The following DPP6 variants were observed in gnomAD, a reference collection of about 807,000 sequenced individuals.
DPP6 encodes the protein dipeptidyl peptidase like 6.
Under a neutral mutation model 122.6 loss-of-function variants are expected in DPP6, and 69 were observed. The ratio of observed to expected loss-of-function variants is 0.56; its 90% CI spans 0.46 to 0.69. DPP6 has a LOEUF of 0.69. DPP6 is among the 30% of genes least tolerant of loss of function. The probability of loss-of-function intolerance (pLI) is 0.00; values close to 1 mark genes in which losing one functional copy is unlikely to be tolerated. For synonymous variants in DPP6, 418 were observed against 433.1 expected (o/e 0.97, Z 0.43); for missense variants, 928 against 1,116.9 (o/e 0.83, Z 2.41).
intron 1 of DPP6, among the ~76,000 whole-genome samples, chr7:153,951,271 G>A (rs551178179): frequency 6.6e-6 from 1 of 152,306 alleles, no homozygotes; most frequent in African/African-American, 2.4e-5. Context: ...TCGCCAACAC[G>A]CACAGTTGCT....
intron 1 of DPP6, among the ~76,000 whole-genome samples, chr7:154,243,440 C>T (rs1418305898): frequency 4.6e-5 from 7 of 152,062 alleles, no homozygotes; most frequent in Non-Finnish European, 5.9e-5. Flanking sequence ...GAAATTATAA[C>T]TGTAAAAAAT....
chr7:154,848,077 G>T (rs1802084585), intron 16 of DPP6, among the ~76,000 whole-genome samples: 1 of 152,206 alleles, frequency 6.6e-6, no homozygotes, highest in African/African-American at 2.4e-5. Flanking sequence ...CTGTTGCTGG[G>T]CAGGTAGGCT....
chr7:154,228,948 C>G (rs1021488541), intron 1 of DPP6, among the ~76,000 whole-genome samples: 2 of 152,132 alleles, frequency 1.3e-5, no homozygotes, highest in African/African-American at 4.8e-5. Flanking sequence ...GGAGCCAAAT[C>G]AGTATGGTAA....
chr7:153,865,159 A>C, the DPP6 span, among the ~76,000 whole-genome samples: 1 of 152,214 alleles, frequency 6.6e-6, no homozygotes. Context: ...CTATTATATT[A>C]TATATACAGG....
intron 1 of DPP6, among the ~76,000 whole-genome samples, chr7:154,314,349 C>A (rs1245992816): frequency 6.6e-6 from 1 of 152,210 alleles, no homozygotes; most frequent in Non-Finnish European, 1.5e-5. Flanking sequence ...GTGCTGACAT[C>A]CCAATGCTAC....
intron 1 of DPP6, among the ~76,000 whole-genome samples, chr7:154,314,271 A>G (rs1278961784): frequency 6.6e-6 from 1 of 152,192 alleles, no homozygotes; most frequent in East Asian, 1.9e-4. Context: ...AAAAAACAAA[A>G]TATAGAAACA....
At chr7:154,688,235 T>C (rs1839740263) in intron 7 of DPP6, among the ~76,000 whole-genome samples, 1 of 152,168 alleles carries the variant, frequency 6.6e-6, no homozygotes. Context: ...TATTGGGAGA[T>C]TAGTGTGAAC....
chr7:154,553,902 CAAA>C (rs56020996), intron 4 of DPP6, among the ~76,000 whole-genome samples: 24,484 of 102,872 alleles, frequency 0.24, 2,571 homozygotes, highest in Non-Finnish European at 0.32. Flanking sequence ...AGCCTAATGC[CAAA>C]AAAAAAAAAA....
At chr7:154,262,699 A>G (rs1012884781) in intron 1 of DPP6, among the ~76,000 whole-genome samples, 2 of 151,632 alleles carry the variant, frequency 1.3e-5, no homozygotes, top group African/African-American at 4.8e-5. Flanking sequence ...TTAAGCTTAC[A>G]TAAGAGACCC....
intron 3 of DPP6, among the ~76,000 whole-genome samples, chr7:154,490,170 A>G (rs1824150794): frequency 6.6e-6 from 1 of 152,248 alleles, no homozygotes; most frequent in Non-Finnish European, 1.5e-5. Context: ...TTCTGAAAAC[A>G]TGCCCAAAGT....
intron 1 of DPP6, among the ~76,000 whole-genome samples, chr7:153,997,277 T>C (rs1034592583): frequency 6.6e-6 from 1 of 152,154 alleles, no homozygotes; most frequent in South Asian, 2.1e-4. Flanking sequence ...GGCTTTGGGA[T>C]TGAGCTTCCT....
upstream of DPP6, among the ~76,000 whole-genome samples, chr7:154,050,041 G>A (rs1191581764): frequency 5.9e-5 from 9 of 152,210 alleles, no homozygotes; most frequent in East Asian, 1.4e-3. Context: ...GTCCTCCCCA[G>A]CATTCCGGCT....
chr7:154,736,761 A>G (rs1391851463), intron 8 of DPP6, among the ~76,000 whole-genome samples: 1 of 152,248 alleles, frequency 6.6e-6, no homozygotes, highest in Non-Finnish European at 1.5e-5. Context: ...CCATAACACC[A>G]GTGACTCTCT....
At chr7:154,470,584 A>G (rs1437173963) in intron 2 of DPP6, among the ~76,000 whole-genome samples, 1 of 152,186 alleles carries the variant, frequency 6.6e-6, no homozygotes, top group African/African-American at 2.4e-5. Context: ...CAGGAATTTT[A>G]CTATTTAACA....
In DPP6 at chr7:154,748,131, C is replaced by G. The variant is rs1428633681; in HGVS notation, c.883+20244C>G. ...CCGGCAAGGAGAGAGGCAGAAGGCG[C>G]CCACGTGGTGGACAGCAGCCCATGT... On this transcript the variant is annotated intron_variant, in intron 8 of 25. Transcript: ENST00000377770. 2.6e-5 allele frequency among the ~76,000 whole-genome samples: 4 copies of G among 152,330 alleles called. No homozygotes were observed. In the South Asian group the frequency reaches 8.3e-4, roughly 32 times the overall value.
intron 1 of DPP6, among the ~76,000 whole-genome samples, chr7:154,155,671 C>G (rs762252660): frequency 1.3e-5 from 2 of 152,196 alleles, no homozygotes; most frequent in South Asian, 2.1e-4. Flanking sequence ...ACGTAATCAT[C>G]ATTGCAGTGA....
At chr7:154,052,119 C>G (rs200027945), upstream of DPP6, among the ~76,000 whole-genome samples, 73,704 of 148,078 alleles carry the variant, frequency 0.5, 19,155 homozygotes, top group South Asian at 0.65. This position sits in a 1 kb window ranked among gnomAD's most constrained non-coding sequence, Gnocchi z 4.8. Context: ...CTGCGGGGCA[C>G]TCGCAGCACT....
rs1292451798 is a variant in DPP6 at position 154,030,823 on chromosome 7, A to G, written c.51+143089A>G. On this transcript the variant is annotated intron_variant, in intron 1 of 25. Coordinates refer to the DPP6 transcript ENST00000404039. ...ACAGCCTGATCTGCTGCCAACATCT[A>G]CCCCTTCTGGAAGCAGCTGTCACTG... Among the ~76,000 whole-genome samples, 2 of 151,632 alleles carry G rather than the reference A, an allele frequency of 1.3e-5. 1 individual carries two copies. The highest frequency in any genetic ancestry group is 4.2e-4 in the South Asian group (2 of 4,776).
intron 5 of DPP6, among the ~76,000 whole-genome samples, chr7:154,635,145 T>G (rs1285201964): frequency 6.6e-6 from 1 of 152,192 alleles, no homozygotes; most frequent in Non-Finnish European, 1.5e-5. Context: ...CTTAAATTCC[T>G]TAAGATTTTA....
Sources: gnomAD v4.1 joint callset for allele counts (sites outside exome capture counted in the v4.1 genomes callset) on GRCh38, gnomAD v4.1.1 for gene constraint, Gnocchi (gnomAD v3.1) non-coding constraint, MANE v1.5 for transcripts, NCBI Gene and HGNC (gene_info 2026-07-23, HGNC 2026-07-21) for gene names.